The following MINDY4 variants were observed in gnomAD, a reference collection of about 807,000 sequenced individuals.
The protein encoded by MINDY4 is MINDY lysine 48 deubiquitinase 4, also known as probable ubiquitin carboxyl-terminal hydrolase MINDY-4.
MINDY4 carries 68 observed loss-of-function variants against 87.0 expected under a neutral mutation model. The ratio of observed to expected loss-of-function variants is 0.78; its 90% CI spans 0.64 to 0.96. The LOEUF (loss-of-function observed/expected upper bound fraction) is 0.96. MINDY4 is among the 40% of genes least tolerant of loss of function. The pLI is 0.00. For missense variants in MINDY4, 919 were observed against 928.2 expected, an observed-to-expected ratio of 0.99 and a Z score of 0.13; for synonymous variants, 379 against 363.2, an observed-to-expected ratio of 1.04 and a Z score of -0.50.
intron 9 of MINDY4, among the ~76,000 whole-genome samples, chr7:30,844,856 G>T (rs79035878): frequency 0.034 from 5,198 of 152,316 alleles, 137 homozygotes; most frequent in East Asian, 0.11. Context: ...ACTAGGAATA[G>T]TCATCTCTGG....
intron 4 of MINDY4, among the ~76,000 whole-genome samples, chr7:30,790,527 A>G (rs576970094): frequency 2.1e-5 from 3 of 146,068 alleles, no homozygotes; most frequent in African/African-American, 7.6e-5. Flanking sequence ...GCTCACTGCA[A>G]TCTCTGCCTC....
At chr7:30,846,029 C>T (rs138277668) in intron 9 of MINDY4, among the ~76,000 whole-genome samples, 3 of 152,206 alleles carry the variant, frequency 2.0e-5, no homozygotes, top group East Asian at 1.9e-4. Flanking sequence ...CCCTCAGAGG[C>T]GGGTGCGGAT....
Position 30,771,457 on chromosome 7 carries a change from C to G in MINDY4, c.-37C>G, listed in dbSNP as rs753635189. ...GACCCAGTTGCCTGGTGCTGCGGCCCGGCGTGGGCCTCGTGGGCAGAGCCA... is the reference window on the plus strand; with the variant it reads ...GACCCAGTTGCCTGGTGCTGCGGCCGGGCGTGGGCCTCGTGGGCAGAGCCA... On this transcript the variant is annotated 5_prime_UTR_variant, in exon 1 of 18. Transcript: ENST00000265299. 4 of 1,587,256 alleles carry G rather than the reference C, an allele frequency of 2.5e-6. No individual in the cohort carries two copies. Among genetic ancestry groups the G allele is most frequent in the Admixed American group, 3.6e-5 (2 of 54,848 alleles).
At chr7:30,829,724 G>T (rs1351564211) in intron 6 of MINDY4, among the ~76,000 whole-genome samples, 1 of 152,170 alleles carries the variant, frequency 6.6e-6, no homozygotes, top group Non-Finnish European at 1.5e-5. Flanking sequence ...TCTGTGCATG[G>T]CTGTGCAGAG....
At chr7:30,828,886 T>A in intron 6 of MINDY4, 149 bp downstream of exon 6, 1 of 666,336 alleles carries the variant, frequency 1.5e-6, no homozygotes, top group Non-Finnish European at 2.6e-6. Context: ...TAGACTACTC[T>A]CTCTCTGATT....
chr7:30,825,766 C>A (rs141010224), intron 5 of MINDY4, among the ~76,000 whole-genome samples: 1 of 152,190 alleles, frequency 6.6e-6, no homozygotes, highest in Non-Finnish European at 1.5e-5. Context: ...ATACTGCAGT[C>A]GTTTCTTCTT....
chr7:30,841,402 G>C (rs757581967), intron 9 of MINDY4, among the ~76,000 whole-genome samples: 11 of 152,252 alleles, frequency 7.2e-5, no homozygotes, highest in Non-Finnish European at 1.5e-4. Flanking sequence ...GGGAGAATTA[G>C]ATGAGTTCTG....
Position 30,840,799 on chromosome 7 carries a change from G to A in MINDY4, c.1396G>A (p.Val466Ile), listed in dbSNP as rs757478545. 6.2e-7 allele frequency: 1 copy of A among 1,614,178 alleles called. No individual in the cohort carries two copies. The highest frequency in any genetic ancestry group is 8.5e-7 in the Non-Finnish European group (1 of 1,180,026). The change falls in exon 9 of 18, where the codon GTC becomes ATC. Residue 466 changes from valine (V) to isoleucine (I), a missense_variant. By Grantham distance (29) the Val-to-Ile change is conservative. Transcript: ENST00000265299. ...AGTCCTGGCAGCTGTCCAAGGCTGT[G>A]TCCTACAGAAACTCCTGTTTGAAGG... is the stretch of plus-strand genomic sequence containing the variant. ...CGVLAAVQGCVLQKLLFEGDS... is the reference protein window; with the variant it reads ...CGVLAAVQGCILQKLLFEGDS...
intron 9 of MINDY4, among the ~76,000 whole-genome samples, chr7:30,847,485 G>A (rs1789257061): frequency 6.6e-6 from 1 of 152,140 alleles, no homozygotes; most frequent in South Asian, 2.1e-4. Flanking sequence ...CACGGCAGTT[G>A]GTTCTACTTA....
chr7:30,862,587 T>C (rs1482578012), intron 13 of MINDY4, among the ~76,000 whole-genome samples: 2 of 152,222 alleles, frequency 1.3e-5, no homozygotes, highest in East Asian at 3.9e-4. Context: ...CTCTGCCTGC[T>C]GCCTCCGGGG....
At chr7:30,881,238 G>A (rs1371375931) in intron 15 of MINDY4, among the ~76,000 whole-genome samples, 1 of 152,132 alleles carries the variant, frequency 6.6e-6, no homozygotes, top group Non-Finnish European at 1.5e-5. Flanking sequence ...GGCATTCAGG[G>A]GCTTCACAGG....
In MINDY4 at chr7:30,849,574, A is replaced by G. The variant is rs186484462; in HGVS notation, c.1446-880A>G. 2.5e-3 allele frequency among the ~76,000 whole-genome samples: 376 copies of G among 152,216 alleles called. 1 individual carries two copies. The highest frequency in any genetic ancestry group is 8.1e-3 in the African/African-American group (337 of 41,530). ...ATACAGCTGACTGCCTGTCCATTTG[A>G]TCCTACGACTGTGTCGTGGCACTCT... On this transcript the variant is annotated intron_variant, in intron 9 of 17. Coordinates refer to ENST00000265299, the MANE Select transcript of MINDY4 (RefSeq NM_032222.3).
intron 5 of MINDY4, among the ~76,000 whole-genome samples, chr7:30,823,505 A>C (rs1251115728): frequency 6.6e-6 from 1 of 151,966 alleles, no homozygotes; most frequent in East Asian, 1.9e-4. Flanking sequence ...TAGCAGACTC[A>C]TGAATTTTTT....
intron 5 of MINDY4, among the ~76,000 whole-genome samples, chr7:30,794,041 G>A (rs12386752): frequency 0.041 from 6,243 of 152,206 alleles, 226 homozygotes; most frequent in East Asian, 0.21. Flanking sequence ...ACACAGACTG[G>A]CAAATGGAAT....
intron 15 of MINDY4, among the ~76,000 whole-genome samples, chr7:30,875,863 G>A (rs12669187): frequency 0.071 from 10,875 of 152,254 alleles, 631 homozygotes; most frequent in African/African-American, 0.15. Context: ...AGCTGATACC[G>A]TGTTCTGGGG....
chr7:30,871,517 G>A (rs1790105548), intron 13 of MINDY4, among the ~76,000 whole-genome samples: 1 of 152,216 alleles, frequency 6.6e-6, no homozygotes, highest in Non-Finnish European at 1.5e-5. Flanking sequence ...TGCTCACCGG[G>A]ATACTGAATT....
At chr7:30,771,811 C>A (rs1786644887) in intron 1 of MINDY4, among the ~76,000 whole-genome samples, 1 of 152,234 alleles carries the variant, frequency 6.6e-6, no homozygotes, top group Non-Finnish European at 1.5e-5. Context: ...CTGGGGCATC[C>A]GCGCTCCGGG....
chr7:30,820,300 T>A (rs982272078), intron 5 of MINDY4, among the ~76,000 whole-genome samples: 17 of 152,238 alleles, frequency 1.1e-4, no homozygotes, highest in South Asian at 2.1e-4. Flanking sequence ...TTGAATTTAT[T>A]TGTCCTGTTA....
At chr7:30,778,199 G>A (rs372333355) in intron 1 of MINDY4, among the ~76,000 whole-genome samples, 7 of 152,318 alleles carry the variant, frequency 4.6e-5, no homozygotes, top group Admixed American at 3.3e-4. Flanking sequence ...TCCTGTGCGC[G>A]AGTCCTGAAC....
Sources: gnomAD v4.1 joint callset for allele counts (sites outside exome capture counted in the v4.1 genomes callset) on GRCh38, gnomAD v4.1.1 for gene constraint, MANE v1.5 for transcripts, NCBI Gene and HGNC (gene_info 2026-07-23, HGNC 2026-07-21) for gene names.